The following JAZF1 variants were observed in gnomAD, a reference collection of about 807,000 sequenced individuals.
JAZF1 encodes the protein juxtaposed with another zinc finger protein 1.
In JAZF1, 8 loss-of-function variants were observed where a neutral mutation model predicts 26.4. The observed-to-expected ratio is 0.30, with a 90% confidence interval of 0.18 to 0.55. JAZF1 has a LOEUF of 0.55. Ranked by LOEUF, JAZF1 falls within the 20% of genes least tolerant of loss-of-function variation. The pLI, the probability that JAZF1 is intolerant of heterozygous loss-of-function variation, is 0.94. For synonymous variants in JAZF1, 126 were observed against 122.3 expected, an observed-to-expected ratio of 1.03 and a Z score of -0.20; for missense variants, 199 against 322.0, an observed-to-expected ratio of 0.62 and a Z score of 2.92.
chr7:27,861,236 C>T (rs933343588), intron 3 of JAZF1, among the ~76,000 whole-genome samples: 1 of 152,150 alleles, frequency 6.6e-6, no homozygotes, highest in Non-Finnish European at 1.5e-5. Context: ...CACCTGCCAT[C>T]CTTTTACTAC....
intron 2 of JAZF1, among the ~76,000 whole-genome samples, chr7:27,946,103 C>A (rs998623045): frequency 6.6e-6 from 1 of 152,100 alleles, no homozygotes; most frequent in Non-Finnish European, 1.5e-5. Flanking sequence ...ATGTTTAAGG[C>A]CAGCTAGGCT....
chr7:28,118,905 A>C (rs895131728), intron 1 of JAZF1, among the ~76,000 whole-genome samples: 2 of 152,210 alleles, frequency 1.3e-5, no homozygotes, highest in Non-Finnish European at 2.9e-5. Flanking sequence ...TTCACACAGC[A>C]GATATCTTAC....
chr7:27,913,537 G>T (rs2128346028), intron 2 of JAZF1: 1 of 281,314 alleles, frequency 3.6e-6, no homozygotes, highest in East Asian at 1.4e-4. Context: ...TAAGTGGTCA[G>T]CACAGCTGCA....
Position 27,831,248 on chromosome 7 carries a change from A to ACTGT in JAZF1, c.*1548_*1551dup. On this transcript the variant is annotated 3_prime_UTR_variant, in exon 5 of 5. Transcript: ENST00000283928. ...GAGGTTTACTCATCTAACAAACAGA[A>ACTGT]CTGTCATCCTTTCAAAATGTCTGAA... 1 of 225,144 alleles carries ACTGT rather than the reference A, an allele frequency of 4.4e-6. No homozygotes were observed. The highest frequency in any genetic ancestry group is 8.9e-6 in the Non-Finnish European group (1 of 112,754). The allele number at this position is 225,144 out of a possible 1,614,324, so 13.9% of individuals were successfully genotyped here. A position where few individuals can be genotyped will look rare whatever the true frequency, so the allele number is the denominator to read the frequency against.
intron 1 of JAZF1, among the ~76,000 whole-genome samples, chr7:28,074,206 G>A (rs1784019014): frequency 6.6e-6 from 1 of 152,180 alleles, no homozygotes; most frequent in Non-Finnish European, 1.5e-5. Context: ...AAAAGTCAGT[G>A]TCACAATGTC....
Position 27,840,655 on chromosome 7 carries a change from CT to C in JAZF1, c.555+42del. 6.3e-7 allele frequency: 1 copy of C among 1,599,140 alleles called. No homozygotes were observed. Among genetic ancestry groups the C allele is most frequent in the Non-Finnish European group, 8.6e-7 (1 of 1,169,452 alleles). On this transcript the variant is annotated intron_variant, in intron 4 of 4. Coordinates refer to ENST00000283928, the MANE Select transcript of JAZF1 (RefSeq NM_175061.4). The surrounding 1 kb of genome is among the most constrained non-coding windows in gnomAD (Gnocchi z 5.1). ...GCTGCTGCCTTCCATGAAGCTTGCC[CT>C]GTTTCCATGTGGTTATGCCAAGCAT...
chr7:28,055,809 C>A (rs940245913), intron 1 of JAZF1, among the ~76,000 whole-genome samples: 1 of 152,130 alleles, frequency 6.6e-6, no homozygotes, highest in Admixed American at 6.5e-5. Flanking sequence ...TAATACAGAT[C>A]ATTTCTATTC....
At chr7:28,107,277 C>T (rs1243166623) in intron 1 of JAZF1, among the ~76,000 whole-genome samples, 1 of 152,192 alleles carries the variant, frequency 6.6e-6, no homozygotes, top group Non-Finnish European at 1.5e-5. Context: ...TCTCTTGAAG[C>T]ACTTTTGTGT....
chr7:27,858,022 T>C (rs1159446946), intron 3 of JAZF1, among the ~76,000 whole-genome samples: 4 of 152,198 alleles, frequency 2.6e-5, no homozygotes, highest in African/African-American at 9.6e-5. Flanking sequence ...CAAAATCTCC[T>C]TAAGCTGATA....
chr7:28,110,590 GGAAA>G (rs1435888714), intron 1 of JAZF1, among the ~76,000 whole-genome samples: 1 of 106,918 alleles, frequency 9.4e-6, no homozygotes, highest in East Asian at 9.7e-4. Flanking sequence ...AAAAGGAAAA[GGAAA>G]AGGAAAAGGA....
At chr7:27,858,307 CA>C (rs1184385090) in intron 3 of JAZF1, among the ~76,000 whole-genome samples, 2 of 152,104 alleles carry the variant, frequency 1.3e-5, no homozygotes, top group Non-Finnish European at 2.9e-5. Context: ...CCATACTGCA[CA>C]AACTAATTTA....
chr7:27,970,467 C>T (rs2128359486), intron 2 of JAZF1, among the ~76,000 whole-genome samples: 1 of 151,818 alleles, frequency 6.6e-6, no homozygotes, highest in African/African-American at 2.4e-5. Flanking sequence ...ACAAAAAAAC[C>T]CCAAAAAACT....
intron 4 of JAZF1, among the ~76,000 whole-genome samples, chr7:27,837,730 G>T (rs1164143131): frequency 6.6e-6 from 1 of 152,086 alleles, no homozygotes; most frequent in Non-Finnish European, 1.5e-5. Context: ...AGGGACAGGG[G>T]ACCCGAATAT....
chr7:28,099,986 T>C (rs1784447390), intron 1 of JAZF1, among the ~76,000 whole-genome samples: 1 of 152,232 alleles, frequency 6.6e-6, no homozygotes, highest in South Asian at 2.1e-4. Context: ...TCGTGTTCTT[T>C]TTAATGGTCC....
At chr7:27,907,433 A>G (rs1042129953) in intron 2 of JAZF1, among the ~76,000 whole-genome samples, 12 of 152,196 alleles carry the variant, frequency 7.9e-5, no homozygotes, top group African/African-American at 2.7e-4. Context: ...GAATTCTTAC[A>G]TAAGAGGTAA....
At chr7:28,151,777 G>A (rs562630962) in intron 1 of JAZF1, among the ~76,000 whole-genome samples, 18 of 151,370 alleles carry the variant, frequency 1.2e-4, no homozygotes, top group African/African-American at 1.9e-4. Context: ...GACAAAAAGA[G>A]TGAAATTCCA....
intron 1 of JAZF1, among the ~76,000 whole-genome samples, chr7:28,082,446 T>C (rs946090442): frequency 2.6e-5 from 4 of 152,184 alleles, no homozygotes; most frequent in African/African-American, 9.7e-5. Context: ...GTCTTTGACC[T>C]TGGGGATCTT....
chr7:28,100,811 T>G (rs890195466), intron 1 of JAZF1, among the ~76,000 whole-genome samples: 1 of 152,212 alleles, frequency 6.6e-6, no homozygotes, highest in Non-Finnish European at 1.5e-5. Context: ...AAAGAATAGC[T>G]GGACCAAGTC....
At chr7:28,141,477 T>C (rs1782958121) in intron 1 of JAZF1, among the ~76,000 whole-genome samples, 1 of 152,200 alleles carries the variant, frequency 6.6e-6, no homozygotes, top group East Asian at 1.9e-4. Flanking sequence ...ATATGTTGAG[T>C]TAATTCCAAT....
Sources: allele counts gnomAD v4.1 joint callset (sites outside exome capture counted in the v4.1 genomes callset), GRCh38; gene constraint gnomAD v4.1.1; non-coding constraint Gnocchi (gnomAD v3.1); transcripts MANE v1.5; gene names NCBI Gene and HGNC (gene_info 2026-07-23, HGNC 2026-07-21).